Variants in SOX5 observed in about 807,000 individuals in gnomAD.
The protein encoded by SOX5 is SRY-box transcription factor 5, also known as transcription factor SOX-5.
In SOX5, 9 loss-of-function variants were observed where a neutral mutation model predicts 92.0. The ratio of observed to expected loss-of-function variants is 0.10; its 90% CI spans 0.06 to 0.17. The LOEUF (loss-of-function observed/expected upper bound fraction) is 0.17. SOX5 is among the 10% of genes least tolerant of loss of function. The pLI, the probability that SOX5 is intolerant of heterozygous loss-of-function variation, is 1.00. For missense variants in SOX5, 642 were observed against 944.5 expected, an observed-to-expected ratio of 0.68 and a Z score of 4.20; for synonymous variants, 344 against 336.3, an observed-to-expected ratio of 1.02 and a Z score of -0.25.
At chr12:24,479,966 C>T (rs1383238931) in intron 1 of SOX5, among the ~76,000 whole-genome samples, 1 of 152,132 alleles carries the variant, frequency 6.6e-6, no homozygotes, top group East Asian at 1.9e-4. Context: ...GTGCCCAGTC[C>T]TGGAGAATTA....
rs760520611 is a variant in SOX5 at position 23,665,419 on chromosome 12, C to T, written c.931+25G>A. ...TAAAGCTTTGCCCTCCACCCACTCC[C>T]AGATGAAAAATCAACAGTACTTACT... On this transcript the variant is annotated intron_variant, in intron 7 of 14. Transcript: ENST00000451604. 1.4e-5 allele frequency: 22 copies of T among 1,612,554 alleles called. No homozygotes were observed. In the East Asian group the frequency reaches 4.9e-4, roughly 36 times the overall value.
intron 4 of SOX5, among the ~76,000 whole-genome samples, chr12:24,057,161 C>G (rs1476226795): frequency 6.6e-6 from 1 of 151,536 alleles, no homozygotes; most frequent in African/African-American, 2.4e-5. Context: ...AGGAAAAAAC[C>G]TAGCTACATG....
intron 3 of SOX5, among the ~76,000 whole-genome samples, chr12:23,771,660 A>T (rs1310966664): frequency 6.6e-6 from 1 of 152,188 alleles, no homozygotes; most frequent in African/African-American, 2.4e-5. Context: ...TATTACATAC[A>T]TCCATTAAAA....
intron 3 of SOX5, among the ~76,000 whole-genome samples, chr12:23,790,104 A>G (rs1406672177): frequency 6.6e-6 from 1 of 152,200 alleles, no homozygotes; most frequent in South Asian, 2.1e-4. Context: ...TGTACCTAAC[A>G]ATTTGGGCTC....
At chr12:24,295,910 T>C (rs1947174055) in intron 2 of SOX5, among the ~76,000 whole-genome samples, 1 of 152,184 alleles carries the variant, frequency 6.6e-6, no homozygotes, top group African/African-American at 2.4e-5. Flanking sequence ...GTATCTAATA[T>C]GCTGCCTATA....
chr12:24,213,601 A>AT (rs34063517), intron 3 of SOX5, among the ~76,000 whole-genome samples: 15 of 149,062 alleles, frequency 1.0e-4, no homozygotes, highest in East Asian at 3.9e-4. Flanking sequence ...CATTATAATA[A>AT]TTTTTTTTTT....
chr12:23,593,778 C>T (rs575031238), intron 9 of SOX5, among the ~76,000 whole-genome samples: 47 of 151,660 alleles, frequency 3.1e-4, no homozygotes, highest in Non-Finnish European at 5.9e-4. Context: ...AAGCAGGTGG[C>T]GTTGCATGTT....
intron 4 of SOX5, among the ~76,000 whole-genome samples, chr12:24,210,284 C>G (rs1171333092): frequency 4.6e-5 from 7 of 152,146 alleles, no homozygotes. Context: ...AATAACAACA[C>G]TGCACTTCTC....
intron 1 of SOX5, among the ~76,000 whole-genome samples, chr12:24,522,470 A>T (rs899874488): frequency 2.6e-5 from 4 of 152,174 alleles, no homozygotes; most frequent in African/African-American, 9.7e-5. Flanking sequence ...ACAACACCAC[A>T]AGAAAAGAAG....
intron 3 of SOX5, among the ~76,000 whole-genome samples, chr12:23,760,192 G>C (rs2094524796): frequency 6.6e-6 from 1 of 152,014 alleles, no homozygotes; most frequent in Admixed American, 6.6e-5. Flanking sequence ...ACAGAATGCT[G>C]CCAGATACAA....
intron 4 of SOX5, among the ~76,000 whole-genome samples, chr12:24,017,843 C>T (rs1223290237): frequency 3.3e-5 from 5 of 152,110 alleles, no homozygotes; most frequent in African/African-American, 7.2e-5. Context: ...GTACTACCTG[C>T]CTCGTCCACA....
Position 23,980,934 on chromosome 12 carries a change from T to C in SOX5, c.-1-84910A>G, listed in dbSNP as rs763802226. On this transcript the variant is annotated intron_variant, in intron 4 of 4. Coordinates refer to the SOX5 transcript ENST00000446891. ...TATAGAAGATCTGGGAGTGGGGTCT[T>C]GGGTCTGTAATGTCTGTGATATGGC... Among the ~76,000 whole-genome samples the C allele has an allele frequency of 4.2e-4, 64 of 152,184 alleles. 1 individual carries two copies. The highest frequency in any genetic ancestry group is 8.8e-5 in the Non-Finnish European group (6 of 68,036).
At chr12:23,718,258 C>T (rs898715239) in intron 6 of SOX5, among the ~76,000 whole-genome samples, 1 of 152,122 alleles carries the variant, frequency 6.6e-6, no homozygotes, top group African/African-American at 2.4e-5. Context: ...TGTAATTATT[C>T]TGGTATACAC....
Position 24,156,372 on chromosome 12 carries a change from T to C in SOX5, c.-2+56971A>G, listed in dbSNP as rs545492113. Reference sequence around the variant, plus strand: ...ACTGGTTTCTCCTGGGAGCACTTCCTTAATAAATAACAAGCACATGAATCC... The same window carrying C: ...ACTGGTTTCTCCTGGGAGCACTTCCCTAATAAATAACAAGCACATGAATCC... On this transcript the variant is annotated intron_variant, in intron 4 of 4. Coordinates refer to the SOX5 transcript ENST00000446891. Among the ~76,000 whole-genome samples, 12 of 152,264 alleles carry C rather than the reference T, an allele frequency of 7.9e-5. No individual in the cohort carries two copies. The South Asian group carries it at 2.3e-3, about 29-fold the overall frequency.
intron 2 of SOX5, among the ~76,000 whole-genome samples, chr12:23,867,903 G>A (rs1379593785): frequency 3.3e-5 from 5 of 151,256 alleles, no homozygotes; most frequent in Non-Finnish European, 7.4e-5. Context: ...AATATGAGTA[G>A]ATAGATTTAA....
intron 1 of SOX5, among the ~76,000 whole-genome samples, chr12:24,514,118 C>G (rs1027627280): frequency 5.3e-5 from 8 of 152,236 alleles, no homozygotes; most frequent in African/African-American, 1.9e-4. Flanking sequence ...CAGGGCCTTT[C>G]AACAATTAGC....
intron 4 of SOX5, among the ~76,000 whole-genome samples, chr12:24,093,167 T>C (rs560538170): frequency 1.2e-4 from 19 of 152,292 alleles, no homozygotes; most frequent in African/African-American, 4.3e-4. Flanking sequence ...TACTAATCAA[T>C]ACTTTGTCAC....
In SOX5 at chr12:24,321,238, A is replaced by C. The variant is rs574254321; in HGVS notation, c.-173-43926T>G. ...ATTTATACATGAGAGGTGTGTAGCC[A>C]ATGTTTGTGAACTGTTTCATTAATT... On this transcript the variant is annotated intron_variant, in intron 2 of 4. Coordinates refer to the SOX5 transcript ENST00000446891. Among the ~76,000 whole-genome samples, 5 of 152,342 alleles carry C rather than the reference A, an allele frequency of 3.3e-5. No individual in the cohort carries two copies. The East Asian group carries it at 7.7e-4, about 23-fold the overall frequency.
chr12:24,089,688 C>T (rs1057431098), intron 4 of SOX5, among the ~76,000 whole-genome samples: 1 of 152,106 alleles, frequency 6.6e-6, no homozygotes, highest in African/African-American at 2.4e-5. Flanking sequence ...GTAAAACGCC[C>T]AGGCCTTATG....
Sources: allele counts gnomAD v4.1 joint callset (sites outside exome capture counted in the v4.1 genomes callset), GRCh38; gene constraint gnomAD v4.1.1; transcripts MANE v1.5; gene names NCBI Gene and HGNC (gene_info 2026-07-23, HGNC 2026-07-21).